The following HS3ST4 variants were observed in gnomAD, a reference collection of about 807,000 sequenced individuals.
HS3ST4 encodes the protein heparan sulfate-glucosamine 3-sulfotransferase 4.
A neutral mutation model predicts 29.2 loss-of-function variants in HS3ST4; 17 were observed. The observed-to-expected ratio is 0.58, with a 90% CI of 0.40 to 0.87. The LOEUF is 0.87. Among genes scored for constraint, HS3ST4 ranks in the 40% least tolerant of loss-of-function variants. The probability of loss-of-function intolerance (pLI) is 0.00; values close to 1 mark genes in which losing one functional copy is unlikely to be tolerated. For synonymous variants in HS3ST4, 314 were observed against 285.7 expected (o/e 1.10, Z -1.00); for missense variants, 627 against 634.5 (o/e 0.99, Z 0.13).
intron 1 of HS3ST4, among the ~76,000 whole-genome samples, chr16:25,765,612 T>A (rs916044608): frequency 1.3e-5 from 2 of 152,094 alleles, no homozygotes; most frequent in African/African-American, 4.8e-5. Flanking sequence ...TCGGAGCCTC[T>A]TTTATGCCCT....
At chr16:25,857,958 T>TTC (rs1567257197) in intron 1 of HS3ST4, among the ~76,000 whole-genome samples, 2 of 57,714 alleles carry the variant, frequency 3.5e-5, no homozygotes, top group Non-Finnish European at 6.4e-5. Context: ...CTTTCTTTCT[T>TTC]TCTTTCTTTC....
chr16:26,105,465 A>C (rs1241891363), intron 1 of HS3ST4, among the ~76,000 whole-genome samples: 1 of 152,232 alleles, frequency 6.6e-6, no homozygotes, highest in Non-Finnish European at 1.5e-5. Context: ...CTTTTGTGAC[A>C]TACTTGCACA....
chr16:26,068,957 A>G (rs1024698035), intron 1 of HS3ST4, among the ~76,000 whole-genome samples: 2 of 152,040 alleles, frequency 1.3e-5, no homozygotes, highest in African/African-American at 2.4e-5. Flanking sequence ...TTATTTATTT[A>G]TGTATTGTGT....
At chr16:25,999,531 T>C (rs966249708) in intron 1 of HS3ST4, among the ~76,000 whole-genome samples, 1 of 151,750 alleles carries the variant, frequency 6.6e-6, no homozygotes, top group African/African-American at 2.4e-5. Context: ...TTCCGTAATC[T>C]AGTAATTTTT....
intron 1 of HS3ST4, among the ~76,000 whole-genome samples, chr16:25,914,380 T>C (rs1428628455): frequency 1.3e-5 from 2 of 151,284 alleles, no homozygotes; most frequent in Non-Finnish European, 2.9e-5. Flanking sequence ...GGATGTGATG[T>C]TTTTATAGGG....
intron 1 of HS3ST4, among the ~76,000 whole-genome samples, chr16:25,843,889 A>G (rs1377044868): frequency 6.6e-6 from 1 of 152,140 alleles, no homozygotes; most frequent in Non-Finnish European, 1.5e-5. Flanking sequence ...CTTGAACTTC[A>G]TTTTAACGGG....
chr16:25,873,952 G>C (rs140885780), intron 1 of HS3ST4, among the ~76,000 whole-genome samples: 1 of 152,250 alleles, frequency 6.6e-6, no homozygotes, highest in Non-Finnish European at 1.5e-5. Flanking sequence ...ACGTACAATA[G>C]TAGCCAGCCC....
chr16:25,995,870 T>G (rs981254573), intron 1 of HS3ST4, among the ~76,000 whole-genome samples: 1 of 152,172 alleles, frequency 6.6e-6, no homozygotes, highest in Non-Finnish European at 1.5e-5. Context: ...ATGTGAGTTA[T>G]TATCCCTGTC....
intron 1 of HS3ST4, among the ~76,000 whole-genome samples, chr16:25,873,344 A>G (rs551227855): frequency 5.5e-5 from 8 of 145,392 alleles, no homozygotes; most frequent in African/African-American, 2.0e-4. Context: ...CCTTTCATCC[A>G]TCTATCCATC....
At chr16:25,751,593 T>C (rs1402045745) in intron 1 of HS3ST4, among the ~76,000 whole-genome samples, 1 of 152,204 alleles carries the variant, frequency 6.6e-6, no homozygotes, top group Non-Finnish European at 1.5e-5. Flanking sequence ...AATGTCATCA[T>C]GTAGCTGAAT....
At chr16:25,708,059 C>G (rs1310321632) in intron 1 of HS3ST4, among the ~76,000 whole-genome samples, 1 of 152,152 alleles carries the variant, frequency 6.6e-6, no homozygotes, top group Non-Finnish European at 1.5e-5. Flanking sequence ...TTCCCCTATT[C>G]TGGAGAGAGG....
chr16:25,768,060 G>A (rs967807589), intron 1 of HS3ST4, among the ~76,000 whole-genome samples: 13 of 152,146 alleles, frequency 8.5e-5, no homozygotes, highest in Admixed American at 6.5e-5. Context: ...GCAGGGGAGT[G>A]CGGGGGAGCA....
chr16:25,849,001 T>G (rs1161445376), intron 1 of HS3ST4, among the ~76,000 whole-genome samples: 1 of 152,184 alleles, frequency 6.6e-6, no homozygotes, highest in Non-Finnish European at 1.5e-5. Flanking sequence ...TAATTTCGGT[T>G]TTGAATTTCT....
At chr16:26,072,851 A>T (rs747716769) in intron 1 of HS3ST4, among the ~76,000 whole-genome samples, 18 of 152,346 alleles carry the variant, frequency 1.2e-4, no homozygotes, top group Non-Finnish European at 2.6e-4. Context: ...ACTAAGAGAC[A>T]CTTTCAAGAT....
intron 1 of HS3ST4, among the ~76,000 whole-genome samples, chr16:25,971,143 G>T (rs1370492458): frequency 6.6e-6 from 1 of 152,094 alleles, no homozygotes; most frequent in Non-Finnish European, 1.5e-5. Flanking sequence ...GAGCCATTGC[G>T]TTCAGCCACA....
At chr16:26,115,606 G>A (rs867944583) in intron 1 of HS3ST4, among the ~76,000 whole-genome samples, 1 of 152,074 alleles carries the variant, frequency 6.6e-6, no homozygotes, top group Non-Finnish European at 1.5e-5. Flanking sequence ...TGGAATCCGG[G>A]TAGCATATCT....
intron 1 of HS3ST4, among the ~76,000 whole-genome samples, chr16:25,886,329 A>T (rs1567264812): frequency 6.6e-6 from 1 of 152,128 alleles, no homozygotes; most frequent in Non-Finnish European, 1.5e-5. Flanking sequence ...CACCATGTCC[A>T]GCCCTTACCG....
chr16:26,011,410 AT>A (rs1485449639), intron 1 of HS3ST4, among the ~76,000 whole-genome samples: 1 of 151,334 alleles, frequency 6.6e-6, no homozygotes, highest in Non-Finnish European at 1.5e-5. Flanking sequence ...AAATACACAA[AT>A]TAGCCAGGCG....
At chr16:26,036,985 C>G (rs557180575) in intron 1 of HS3ST4, among the ~76,000 whole-genome samples, 1 of 152,316 alleles carries the variant, frequency 6.6e-6, no homozygotes, top group African/African-American at 2.4e-5. Flanking sequence ...TGAACCAGCT[C>G]CAAGACTTTT....
Sources: gnomAD v4.1 joint callset for allele counts (sites outside exome capture counted in the v4.1 genomes callset) on GRCh38, gnomAD v4.1.1 for gene constraint, MANE v1.5 for transcripts, NCBI Gene and HGNC (gene_info 2026-07-23, HGNC 2026-07-21) for gene names.